CSMD2: variants seen among roughly 807,000 people sequenced by gnomAD.
CSMD2 encodes the protein CUB and sushi domain-containing protein 2.
Under a neutral mutation model 398.5 loss-of-function variants are expected in CSMD2, and 130 were observed. The ratio of observed to expected loss-of-function variants is 0.33; its 90% CI spans 0.28 to 0.38. The LOEUF is 0.38. CSMD2 is among the 10% of genes least tolerant of loss of function. The pLI, the probability that CSMD2 is intolerant of heterozygous loss-of-function variation, is 1.00. For synonymous variants in CSMD2, 1,828 were observed against 1,908.5 expected (o/e 0.96, Z 1.10); for missense variants, 3,829 against 4,764.9 (o/e 0.80, Z 5.78).
chr1:33,591,457 A>G (rs1049739501), intron 44 of CSMD2, among the ~76,000 whole-genome samples: 6 of 152,162 alleles, frequency 3.9e-5, no homozygotes, highest in Non-Finnish European at 7.4e-5. Flanking sequence ...TCTTTTTCAG[A>G]ACATCACAAG....
At chr1:33,813,758 A>G (rs1412283164) in intron 9 of CSMD2, among the ~76,000 whole-genome samples, 1 of 152,058 alleles carries the variant, frequency 6.6e-6, no homozygotes, top group Non-Finnish European at 1.5e-5. Context: ...CTTCTCTCCA[A>G]ATCTGATTCC....
At chr1:33,637,623 G>T (rs1642883146) in intron 29 of CSMD2, among the ~76,000 whole-genome samples, 1 of 152,180 alleles carries the variant, frequency 6.6e-6, no homozygotes, top group Non-Finnish European at 1.5e-5. Context: ...GGTCAAGAGG[G>T]TTGTCACCAG....
chr1:33,920,564 A>AAAG (rs1553253405), intron 4 of CSMD2, among the ~76,000 whole-genome samples: 8,581 of 142,102 alleles, frequency 0.06, 519 homozygotes, highest in Non-Finnish European at 0.097. Flanking sequence ...AAAAAAAAAA[A>AAAG]AGAGACCCAA....
chr1:33,535,308 G>A (rs1390594686), intron 62 of CSMD2, among the ~76,000 whole-genome samples: 2 of 152,194 alleles, frequency 1.3e-5, no homozygotes, highest in African/African-American at 2.4e-5. Context: ...AGTAATGGCT[G>A]TCTTGAAATT....
At chr1:34,152,054 TC>T (rs1289322149) in intron 1 of CSMD2, among the ~76,000 whole-genome samples, 3 of 152,098 alleles carry the variant, frequency 2.0e-5, no homozygotes, top group Non-Finnish European at 4.4e-5. Context: ...TCACTTTTTG[TC>T]ACTTAGGCTG....
At chr1:34,138,486 A>G (rs1638970211) in intron 1 of CSMD2, among the ~76,000 whole-genome samples, 1 of 152,228 alleles carries the variant, frequency 6.6e-6, no homozygotes, top group African/African-American at 2.4e-5. Flanking sequence ...CCATATCTAC[A>G]GGACTGTCAA....
intron 1 of CSMD2, among the ~76,000 whole-genome samples, chr1:34,132,287 C>A (rs1611903): frequency 6.6e-6 from 1 of 151,748 alleles, no homozygotes; most frequent in Non-Finnish European, 1.5e-5. Flanking sequence ...CTAATAAAGC[C>A]CCGATTCACT....
intron 24 of CSMD2, among the ~76,000 whole-genome samples, chr1:33,693,359 T>C (rs1645306671): frequency 6.6e-6 from 1 of 152,222 alleles, no homozygotes; most frequent in Non-Finnish European, 1.5e-5. Flanking sequence ...TGTTTAACAT[T>C]GTTAGTCATT....
chr1:33,692,937 T>C lies in CSMD2; in HGVS notation c.4045A>G (p.Thr1349Ala). The C allele has an allele frequency of 6.2e-7, 1 of 1,609,022 alleles. No homozygotes were observed. The highest frequency in any genetic ancestry group is 8.5e-7 in the Non-Finnish European group (1 of 1,177,844). The change falls in exon 25 of 71, where the codon ACC becomes GCC. Residue 1349 changes from threonine to alanine, a missense_variant. Coordinates refer to ENST00000373381, the MANE Select transcript of CSMD2 (RefSeq NM_001281956.2). ...IWTIEAEAGC[T>A]IGLHFLVFDT... ...GTCAGCCCTGACACTTACCCAATGG[T>C]GCAGCCGGCCTCTGCTTCGATGGTC...
chr1:34,106,630 G>A (rs946976574), intron 1 of CSMD2, among the ~76,000 whole-genome samples: 1 of 152,112 alleles, frequency 6.6e-6, no homozygotes, highest in African/African-American at 2.4e-5. Context: ...AGCACCAGGG[G>A]TCAGAGCCTG....
intron 32 of CSMD2, among the ~76,000 whole-genome samples, chr1:33,627,084 T>G (rs1033394435): frequency 3.3e-5 from 5 of 152,226 alleles, no homozygotes; most frequent in African/African-American, 1.2e-4. Context: ...CCCACCATCC[T>G]GTGAAATGAT....
chr1:33,636,493 G>T lies in CSMD2; in HGVS notation c.4836C>A (p.Ser1612=). Residue 1612 remains serine, a synonymous_variant, in exon 30 of 71, where the codon TCC becomes TCA. Transcript: ENST00000373381. This position sits in a 1 kb window ranked among gnomAD's most constrained non-coding sequence, Gnocchi z 4.8. ...GSIKNGTRVG[S]DLKLGSSVTY... ...TGACGGAGGAGCCCAGCTTCAGGTC[G>T]GACCCCACCCGTGTGCCGTTCTTGA... 6.2e-7 allele frequency: 1 copy of T among 1,614,158 alleles called. No individual in the cohort carries two copies.
chr1:33,830,321 G>A (rs1302940170), intron 6 of CSMD2, among the ~76,000 whole-genome samples: 2 of 152,182 alleles, frequency 1.3e-5, no homozygotes, highest in Non-Finnish European at 1.5e-5. Context: ...AACTTCCAGA[G>A]GAATAATCAG....
At position 34,163,978 on chromosome 1, in the gene CSMD2, G is replaced by A. The variant is rs991037218; in HGVS notation, c.187+933C>T. ...CCCCGCGCGCTGCAAGCTGCAGCCA[G>A]ACACCCGCGAAGTTCCGGGACTCTC... On this transcript the variant is annotated intron_variant, in intron 1 of 70. Transcript: ENST00000373381. The surrounding 1 kb of genome is among the most constrained non-coding windows in gnomAD (Gnocchi z 5.4). Among the ~76,000 whole-genome samples the A allele has an allele frequency of 5.3e-5, 8 of 152,212 alleles. No individual in the cohort carries two copies. Among genetic ancestry groups the A allele is most frequent in the African/African-American group, 1.7e-4 (7 of 41,544 alleles).
At chr1:33,524,789 A>G (rs1229864193) in intron 66 of CSMD2, 93 bp downstream of exon 66, 7 of 1,307,118 alleles carry the variant, frequency 5.4e-6, no homozygotes, top group South Asian at 1.4e-5. Context: ...TGAGCCTTGC[A>G]TGACAGTATG....
At chr1:33,681,502 T>C (rs914821733) in intron 25 of CSMD2, among the ~76,000 whole-genome samples, 8 of 152,198 alleles carry the variant, frequency 5.3e-5, no homozygotes, top group Non-Finnish European at 7.3e-5. Context: ...CATCAAACCA[T>C]TGACAATATA....
rs536787075 is a variant in CSMD2 at position 33,985,311 on chromosome 1, C to A, written c.517+47283G>T. Among the ~76,000 whole-genome samples the A allele has an allele frequency of 6.2e-4, 94 of 152,206 alleles. 1 individual carries two copies. The highest frequency in any genetic ancestry group is 1.1e-3 in the Non-Finnish European group (78 of 67,994). On this transcript the variant is annotated intron_variant, in intron 3 of 70. Coordinates refer to ENST00000373381, the MANE Select transcript of CSMD2 (RefSeq NM_001281956.2). ...TGGGAGCTAGGCTTTCTAGGGGAGGCGAGAGTGAGAGGGAAACTGTGAGGA... is the reference window on the plus strand; with the variant it reads ...TGGGAGCTAGGCTTTCTAGGGGAGGAGAGAGTGAGAGGGAAACTGTGAGGA...
At position 33,715,046 on chromosome 1, in the gene CSMD2, T is replaced by C. The variant is rs540330495; in HGVS notation, c.3218-271A>G. 6.6e-5 allele frequency among the ~76,000 whole-genome samples: 10 copies of C among 152,264 alleles called. No homozygotes were observed. In the East Asian group the frequency reaches 1.9e-3, roughly 29 times the overall value. On this transcript the variant is annotated intron_variant, in intron 20 of 70. Transcript: ENST00000373381. ...CACGGGGAGGCCAGGACGGGCGGTC[T>C]GCACCCACTCCTGTGAGCAGTGAAA...
chr1:33,856,274 T>C (rs2125101733), intron 5 of CSMD2, among the ~76,000 whole-genome samples: 1 of 152,326 alleles, frequency 6.6e-6, no homozygotes, highest in African/African-American at 2.4e-5. Flanking sequence ...ATGAGGCACC[T>C]GCATCTACTC....
Sources: gnomAD v4.1 joint callset for allele counts (sites outside exome capture counted in the v4.1 genomes callset) on GRCh38, gnomAD v4.1.1 for gene constraint, Gnocchi (gnomAD v3.1) non-coding constraint, MANE v1.5 for transcripts, NCBI Gene and HGNC (gene_info 2026-07-23, HGNC 2026-07-21) for gene names.